Variants in EPHA5 observed in about 807,000 individuals in gnomAD.
EPHA5 encodes the protein ephrin type-A receptor 5.
Under a neutral mutation model 105.0 loss-of-function variants are expected in EPHA5, and 60 were observed. The ratio of observed to expected loss-of-function variants is 0.57; its 90% CI spans 0.46 to 0.71. The LOEUF is 0.71. Ranked by LOEUF, EPHA5 falls within the 30% of genes least tolerant of loss-of-function variation. The pLI is 0.00. For synonymous variants in EPHA5, 513 were observed against 449.1 expected (o/e 1.14, Z -1.80); for missense variants, 1,218 against 1,274.7 (o/e 0.96, Z 0.68).
intron 5 of EPHA5, among the ~76,000 whole-genome samples, chr4:65,474,934 G>A (rs1729646933): frequency 1.3e-5 from 2 of 152,168 alleles, no homozygotes; most frequent in Admixed American, 1.3e-4. Flanking sequence ...CATAAGAGCT[G>A]TTGCAAAATG....
intron 5 of EPHA5, among the ~76,000 whole-genome samples, chr4:65,436,351 G>GACAC (rs151176532): frequency 6.6e-6 from 1 of 150,654 alleles, no homozygotes; most frequent in Non-Finnish European, 1.5e-5. Context: ...GCTATAAACA[G>GACAC]ACACACACAC....
intron 6 of EPHA5, among the ~76,000 whole-genome samples, chr4:65,416,705 T>C (rs535362538): frequency 1.7e-4 from 26 of 152,210 alleles, no homozygotes; most frequent in Non-Finnish European, 3.2e-4. Context: ...ACGTTATGTA[T>C]GTCTCAGTTG....
chr4:65,563,026 A>T (rs1440147570), intron 3 of EPHA5, among the ~76,000 whole-genome samples: 1 of 151,978 alleles, frequency 6.6e-6, no homozygotes, highest in East Asian at 1.9e-4. Context: ...TACTATATGT[A>T]AAAGCTTTGC....
chr4:65,335,876 T>C lies in EPHA5; in HGVS notation c.2789+56A>G, dbSNP rs368066735. The C allele has an allele frequency of 8.0e-5, 118 of 1,474,696 alleles. No homozygotes were observed. In the East Asian group the frequency reaches 1.5e-3, roughly 19 times the overall value. 91.4% of individuals were successfully genotyped at this position (1,474,696 alleles called of 1,614,324 possible). A position where few individuals can be genotyped will look rare whatever the true frequency, so the allele number is the denominator to read the frequency against. On this transcript the variant is annotated intron_variant, in intron 15 of 16. Transcript: ENST00000613740. ...AATGATTTAATTGATAAAATATTTG[T>C]GACATCAATCTGAGTTAGCTACATT...
intron 5 of EPHA5, among the ~76,000 whole-genome samples, chr4:65,465,891 G>C (rs1468542136): frequency 6.6e-6 from 1 of 152,160 alleles, no homozygotes; most frequent in African/African-American, 2.4e-5. Flanking sequence ...AAAATATCAA[G>C]TATTTTCTGT....
intron 5 of EPHA5, among the ~76,000 whole-genome samples, chr4:65,436,957 G>A (rs1426577447): frequency 6.6e-6 from 1 of 151,924 alleles, no homozygotes; most frequent in Non-Finnish European, 1.5e-5. Flanking sequence ...TAGTAGGGAA[G>A]AAAAGAATCC....
At chr4:65,465,993 GACAA>G (rs1218315755) in intron 5 of EPHA5, among the ~76,000 whole-genome samples, 1 of 152,058 alleles carries the variant, frequency 6.6e-6, no homozygotes, top group Non-Finnish European at 1.5e-5. Flanking sequence ...CACTTTCAAG[GACAA>G]ACAAAAAAAG....
chr4:65,407,103 T>C (rs62314463), intron 7 of EPHA5, among the ~76,000 whole-genome samples: 15,210 of 152,144 alleles, frequency 0.1, 981 homozygotes, highest in Middle Eastern at 0.23. Flanking sequence ...TGTACTCAAA[T>C]TAAATATCTA....
chr4:65,650,954 G>T (rs71612733), intron 1 of EPHA5, among the ~76,000 whole-genome samples: 1 of 151,926 alleles, frequency 6.6e-6, no homozygotes, highest in Non-Finnish European at 1.5e-5. Flanking sequence ...ATTCAAGTTT[G>T]TTTGTCTCTC....
chr4:65,345,984 G>A (rs995224266), intron 14 of EPHA5, among the ~76,000 whole-genome samples: 2 of 151,780 alleles, frequency 1.3e-5, no homozygotes, highest in Admixed American at 1.3e-4. Context: ...GTATTAGCCA[G>A]GATGGTCTGA....
chr4:65,582,784 A>G (rs1164821387), intron 3 of EPHA5, among the ~76,000 whole-genome samples: 2 of 151,688 alleles, frequency 1.3e-5, no homozygotes, highest in Non-Finnish European at 3.0e-5. Context: ...ACATATATTT[A>G]CTCAAAAGTC....
At chr4:65,552,919 A>T (rs1224547808) in intron 3 of EPHA5, among the ~76,000 whole-genome samples, 3 of 152,098 alleles carry the variant, frequency 2.0e-5, no homozygotes, top group Non-Finnish European at 4.4e-5. Flanking sequence ...GGGCATATTA[A>T]CTTAAGGTAA....
In EPHA5 at chr4:65,479,178, T is replaced by C. The variant is rs188593967; in HGVS notation, c.1402+11199A>G. ...CCTTACTACATGCCAAGCATTAAAC[T>C]AATTGTTTTGTATATTTAGCTCATT... On this transcript the variant is annotated intron_variant, in intron 5 of 16. Coordinates refer to ENST00000613740, the MANE Select transcript of EPHA5 (RefSeq NM_001281766.3). Among the ~76,000 whole-genome samples the C allele has an allele frequency of 4.2e-4, 64 of 152,326 alleles. 1 individual carries two copies. The East Asian group carries it at 0.012, about 28-fold the overall frequency.
chr4:65,354,067 T>C (rs1315057276), intron 11 of EPHA5, among the ~76,000 whole-genome samples: 1 of 151,768 alleles, frequency 6.6e-6, no homozygotes, highest in Non-Finnish European at 1.5e-5. Context: ...AATTCTTATC[T>C]CTGTGCCTCA....
intron 16 of EPHA5, among the ~76,000 whole-genome samples, chr4:65,328,555 TAGG>T (rs1343292830): frequency 2.6e-5 from 4 of 151,212 alleles, no homozygotes; most frequent in African/African-American, 9.7e-5. Context: ...ATTGGCTGGA[TAGG>T]AGAAGGGAGA....
chr4:65,324,207 C>A lies in EPHA5; in HGVS notation c.2958G>T (p.Arg986=), dbSNP rs970663597. The change falls in exon 17 of 17, where the codon CGG becomes CGT. Residue 986 remains arginine, a synonymous_variant. Transcript: ENST00000613740. ...GGTGACCGACAAGAGTCACTCCAAG[C>A]CGTCTCAAATCCCTGCATGAAGAAA... The part of the protein sequence containing the change: ...VAQVTLEDLR[R]LGVTLVGHQK... 2 of 1,608,296 alleles carry A rather than the reference C, an allele frequency of 1.2e-6. No individual in the cohort carries two copies. The highest frequency in any genetic ancestry group is 2.7e-5 in the African/African-American group (2 of 74,432).
intron 5 of EPHA5, among the ~76,000 whole-genome samples, chr4:65,475,405 G>C (rs1221967436): frequency 1.3e-5 from 2 of 152,084 alleles, no homozygotes; most frequent in East Asian, 3.9e-4. Context: ...AGTGAACTTT[G>C]TTTAGAATCT....
chr4:65,568,419 C>A lies in EPHA5; in HGVS notation c.910+33222G>T, dbSNP rs1051945961. 2.0e-5 allele frequency among the ~76,000 whole-genome samples: 3 copies of A among 151,392 alleles called. No homozygotes were observed. In the East Asian group the frequency reaches 5.8e-4, roughly 29 times the overall value. The stretch of plus-strand genomic sequence containing the variant: ...GATATAAAAAAATTAGATTTACTCA[C>A]AATTTGTTATAAAATATCAAATAAT... On this transcript the variant is annotated intron_variant, in intron 3 of 16. Transcript: ENST00000613740.
intron 5 of EPHA5, among the ~76,000 whole-genome samples, chr4:65,475,163 T>G (rs541623355): frequency 2.6e-4 from 39 of 152,292 alleles, no homozygotes; most frequent in Admixed American, 1.4e-3. Context: ...TCTGTTTTAT[T>G]TTATTAGCCT....
Sources: allele counts gnomAD v4.1 joint callset (sites outside exome capture counted in the v4.1 genomes callset), GRCh38; gene constraint gnomAD v4.1.1; transcripts MANE v1.5; gene names NCBI Gene and HGNC (gene_info 2026-07-23, HGNC 2026-07-21).